Variants in SPOCK3 observed in about 807,000 individuals in gnomAD.
SPOCK3 encodes the protein SPARC (osteonectin), cwcv and kazal like domains proteoglycan 3.
SPOCK3 carries 30 observed loss-of-function variants against 56.6 expected under a neutral mutation model. The observed-to-expected ratio is 0.53, with a 90% CI of 0.40 to 0.72. The LOEUF is 0.72. Ranked by LOEUF, SPOCK3 falls within the 30% of genes least tolerant of loss-of-function variation. The pLI, the probability that SPOCK3 is intolerant of heterozygous loss-of-function variation, is 0.00. For missense variants in SPOCK3, 527 were observed against 530.0 expected, an observed-to-expected ratio of 0.99 and a Z score of 0.06; for synonymous variants, 196 against 183.3, an observed-to-expected ratio of 1.07 and a Z score of -0.56.
intron 5 of SPOCK3, among the ~76,000 whole-genome samples, chr4:166,899,241 C>CCT (rs1325278768): frequency 8.6e-5 from 10 of 115,718 alleles, no homozygotes; most frequent in Admixed American, 5.5e-4. Context: ...TAAATCTCCT[C>CCT]ATATCTATCT....
rs1737525992 is a variant in SPOCK3, at chr4:167,234,439, T to C, written c.-1+11A>G. ...CCCGAGCGGGCACAAAACCGCTTCC[T>C]GGCACATCACCTTGTTGTGAGCCAG... On this transcript the variant is annotated intron_variant, in intron 1 of 10. Transcript: ENST00000357545. The C allele has an allele frequency of 1.4e-5, 8 of 554,228 alleles. No individual in the cohort carries two copies. Among genetic ancestry groups the C allele is most frequent in the Admixed American group, 9.2e-5 (3 of 32,534 alleles). 34.3% of individuals were successfully genotyped at this position (554,228 alleles called of 1,614,324 possible).
In SPOCK3 at chr4:166,744,935, GA is replaced by G. The variant is rs896712259; in HGVS notation, c.932-2877del. ...AATGAAGCGAGAAGACAAGTTTAGA[GA>G]AAAAAAAAGTAAAAATAAACGAACA... On this transcript the variant is annotated intron_variant, in intron 8 of 10. Transcript: ENST00000357545. Among the ~76,000 whole-genome samples, 5 of 150,980 alleles carry G rather than the reference GA, an allele frequency of 3.3e-5. No individual in the cohort carries two copies. The East Asian group carries it at 9.7e-4, about 29-fold the overall frequency.
chr4:167,199,219 ATTTG>A (rs917102080), intron 2 of SPOCK3, among the ~76,000 whole-genome samples: 6 of 141,528 alleles, frequency 4.2e-5, no homozygotes, highest in South Asian at 2.2e-4. Context: ...TATGCTAAAT[ATTTG>A]TTTGTGTGTG....
intron 9 of SPOCK3, among the ~76,000 whole-genome samples, chr4:166,741,763 T>C (rs138287255): frequency 0.011 from 1,665 of 152,272 alleles, 22 homozygotes; most frequent in Non-Finnish European, 0.012. Context: ...ATCTTTCTTT[T>C]TACTTAATAA....
chr4:167,141,262 G>C (rs1763506644), intron 2 of SPOCK3, among the ~76,000 whole-genome samples: 1 of 151,966 alleles, frequency 6.6e-6, no homozygotes, highest in South Asian at 2.1e-4. Context: ...ATAAAAAAAA[G>C]GTTTTGGACC....
At chr4:167,093,245 C>T (rs927254303) in intron 2 of SPOCK3, among the ~76,000 whole-genome samples, 5 of 151,958 alleles carry the variant, frequency 3.3e-5, no homozygotes, top group Non-Finnish European at 7.4e-5. Flanking sequence ...ACTCAATTCC[C>T]CAATAATCAA....
chr4:167,127,778 A>G (rs1045181675), intron 2 of SPOCK3, among the ~76,000 whole-genome samples: 1 of 152,218 alleles, frequency 6.6e-6, no homozygotes, highest in African/African-American at 2.4e-5. Flanking sequence ...AAGTGGACAA[A>G]AATAGAGTGA....
chr4:167,026,820 G>GTTT (rs529088799), intron 3 of SPOCK3, among the ~76,000 whole-genome samples: 5 of 132,554 alleles, frequency 3.8e-5, no homozygotes, highest in Non-Finnish European at 8.2e-5. Context: ...GGCATTTGAA[G>GTTT]TTTTTTTTTT....
chr4:166,786,639 T>G lies in SPOCK3; in HGVS notation c.709+5531A>C, dbSNP rs1740758109. ...GTTAAAGTCTAAAGACTAACTTAAA[T>G]ATAACAAGTAGTCAATTCTTAGATG... On this transcript the variant is annotated intron_variant, in intron 7 of 10. Coordinates refer to ENST00000357545, the MANE Select transcript of SPOCK3 (RefSeq NM_001040159.2). Among the ~76,000 whole-genome samples the G allele has an allele frequency of 5.3e-5, 8 of 152,328 alleles. No homozygotes were observed. In the South Asian group the frequency reaches 1.7e-3, roughly 32 times the overall value.
rs186569917 is a variant in SPOCK3, at chr4:167,005,460, G to A, written c.236-4997C>T. ...GATCCCCTGACCTCGTGATCCGCCC[G>A]CCTCGGCCTCCCAAAGGCCTGGGAT... On this transcript the variant is annotated intron_variant, in intron 3 of 10. Transcript: ENST00000357545. Among the ~76,000 whole-genome samples, 621 of 151,910 alleles carry A rather than the reference G, an allele frequency of 4.1e-3. 4 individuals carry two copies. The highest frequency in any genetic ancestry group is 0.014 in the African/African-American group (590 of 41,398).
intron 2 of SPOCK3, among the ~76,000 whole-genome samples, chr4:167,189,339 T>G (rs2110832705): frequency 6.8e-6 from 1 of 146,124 alleles, no homozygotes; most frequent in Non-Finnish European, 1.5e-5. Flanking sequence ...AGAAATAGTT[T>G]GTCAGCTCAT....
chr4:166,968,925 CACAGGGGTGGAGCTGCCCAAGGTCATGA>C (rs1353424510), intron 4 of SPOCK3, among the ~76,000 whole-genome samples: 1 of 152,192 alleles, frequency 6.6e-6, no homozygotes, highest in Non-Finnish European at 1.5e-5. Context: ...CCTGCAGAGC[CACAGGGGTGGAGCTGCCCAAGGTCATGA>C]CAGCTCAACC....
intron 2 of SPOCK3, among the ~76,000 whole-genome samples, chr4:167,177,943 C>A (rs537976213): frequency 6.6e-6 from 1 of 152,266 alleles, no homozygotes; most frequent in African/African-American, 2.4e-5. Context: ...ATCAGGGCTG[C>A]TTTCCTCTTT....
At chr4:166,948,551 C>G (rs990498478) in intron 4 of SPOCK3, among the ~76,000 whole-genome samples, 3 of 152,122 alleles carry the variant, frequency 2.0e-5, no homozygotes, top group Non-Finnish European at 4.4e-5. Context: ...TATTAGACAA[C>G]AGCCATTATA....
chr4:166,783,628 T>C (rs1019443079), intron 7 of SPOCK3, among the ~76,000 whole-genome samples: 1 of 152,272 alleles, frequency 6.6e-6, no homozygotes, highest in East Asian at 1.9e-4. Flanking sequence ...CTCAAAGGAA[T>C]CATCATAAAA....
At chr4:166,862,140 A>G (rs1731300730) in intron 6 of SPOCK3, among the ~76,000 whole-genome samples, 1 of 152,108 alleles carries the variant, frequency 6.6e-6, no homozygotes, top group African/African-American at 2.4e-5. Flanking sequence ...TCAGGAGTTC[A>G]TGCAGCAAGT....
chr4:166,749,917 T>A (rs1736161207), intron 8 of SPOCK3, among the ~76,000 whole-genome samples: 2 of 152,124 alleles, frequency 1.3e-5, no homozygotes, highest in South Asian at 4.1e-4. Flanking sequence ...TGAAAACAGT[T>A]CTTCTAGTTG....
At chr4:166,988,143 A>T (rs1414804705) in intron 4 of SPOCK3, among the ~76,000 whole-genome samples, 1 of 152,122 alleles carries the variant, frequency 6.6e-6, no homozygotes, top group Non-Finnish European at 1.5e-5. Flanking sequence ...TAGAGCTGAG[A>T]ACACAAGCTG....
At chr4:167,071,707 G>C (rs1022235560) in intron 2 of SPOCK3, among the ~76,000 whole-genome samples, 4 of 152,006 alleles carry the variant, frequency 2.6e-5, no homozygotes, top group Non-Finnish European at 4.4e-5. Context: ...CTTTATAGTA[G>C]CATGATTTAT....
Sources: allele counts gnomAD v4.1 joint callset (sites outside exome capture counted in the v4.1 genomes callset), GRCh38; gene constraint gnomAD v4.1.1; transcripts MANE v1.5; gene names NCBI Gene and HGNC (gene_info 2026-07-23, HGNC 2026-07-21).